NEK1: variants seen among roughly 807,000 people sequenced by gnomAD.
NEK1 encodes NIMA related kinase 1.
Under a neutral mutation model 182.1 loss-of-function variants are expected in NEK1, and 137 were observed. The ratio of observed to expected loss-of-function variants is 0.75; its 90% CI spans 0.65 to 0.87. The LOEUF (loss-of-function observed/expected upper bound fraction) is 0.87, where lower values mean the gene tolerates loss of function less well. Ranked by LOEUF, NEK1 falls within the 40% of genes least tolerant of loss-of-function variation. The probability of loss-of-function intolerance (pLI) is 0.00; values close to 1 mark genes in which losing one functional copy is unlikely to be tolerated. For synonymous variants in NEK1, 513 were observed against 492.2 expected (o/e 1.04, Z -0.56); for missense variants, 1,391 against 1,494.4 (o/e 0.93, Z 1.14).
chr4:169,491,493 A>G (rs1750082904), intron 23 of NEK1, among the ~76,000 whole-genome samples: 1 of 152,188 alleles, frequency 6.6e-6, no homozygotes. Flanking sequence ...CCTGCCAGCC[A>G]ACAATACTAT....
intron 19 of NEK1, among the ~76,000 whole-genome samples, chr4:169,535,697 G>C (rs1288787104): frequency 6.6e-6 from 1 of 151,834 alleles, no homozygotes; most frequent in East Asian, 1.9e-4. Flanking sequence ...TGGCCAACAA[G>C]GTGAAGCCCT....
chr4:169,596,982 C>T (rs181297678), intron 5 of NEK1, among the ~76,000 whole-genome samples: 1 of 152,224 alleles, frequency 6.6e-6, no homozygotes, highest in East Asian at 1.9e-4. Context: ...GATACACACA[C>T]ACATACACAC....
At chr4:169,487,600 C>T (rs111760762) in intron 23 of NEK1, among the ~76,000 whole-genome samples, 22 of 152,244 alleles carry the variant, frequency 1.4e-4, no homozygotes, top group African/African-American at 5.3e-4. Flanking sequence ...TCTTTGCTAT[C>T]GTGAATAGTG....
chr4:169,502,017 A>G (rs2149671862), intron 23 of NEK1, among the ~76,000 whole-genome samples: 1 of 152,214 alleles, frequency 6.6e-6, no homozygotes, highest in Non-Finnish European at 1.5e-5. Context: ...CACATGAAAA[A>G]AAGAGAAGAT....
rs553119816 is a variant in NEK1, at chr4:169,586,144, AAAC to A, written c.607-598_607-596del. Among the ~76,000 whole-genome samples the A allele has an allele frequency of 7.3e-3, 1,105 of 152,206 alleles. 7 individuals are homozygous for A. Among genetic ancestry groups the A allele is most frequent in the African/African-American group, 0.025 (1,030 of 41,550 alleles). On this transcript the variant is annotated intron_variant, in intron 9 of 35. Coordinates refer to ENST00000507142, the MANE Select transcript of NEK1 (RefSeq NM_001199397.3). ...CAATATAAACTTTAAAGTAAAAAGA[AAAC>A]AAGAGGTAGGGCAGTTTAAAATCTG...
At chr4:169,582,545 AT>A (rs538932616) in intron 10 of NEK1, among the ~76,000 whole-genome samples, 192 of 152,098 alleles carry the variant, frequency 1.3e-3, no homozygotes, top group Non-Finnish European at 2.2e-3. Context: ...CAACAAATGC[AT>A]TTTTTTCCTT....
At chr4:169,571,179 AAAAT>A (rs56050357) in intron 12 of NEK1, among the ~76,000 whole-genome samples, 6,549 of 143,274 alleles carry the variant, frequency 0.046, 279 homozygotes, top group African/African-American at 0.11. Context: ...GATCAATAAA[AAAAT>A]AAATAAATAA....
intron 2 of NEK1, among the ~76,000 whole-genome samples, chr4:169,609,360 C>G (rs1771930152): frequency 6.6e-6 from 1 of 152,160 alleles, no homozygotes; most frequent in South Asian, 2.1e-4. Flanking sequence ...ATTTACCCTA[C>G]AAATATTTCC....
At chr4:169,420,269 C>G (rs545490974) in intron 31 of NEK1, among the ~76,000 whole-genome samples, 1 of 152,176 alleles carries the variant, frequency 6.6e-6, no homozygotes, top group Non-Finnish European at 1.5e-5. Context: ...ATACACTATA[C>G]ACTGAAATAC....
intron 23 of NEK1, among the ~76,000 whole-genome samples, chr4:169,492,442 G>A (rs78098829): frequency 0.012 from 1,822 of 152,272 alleles, 32 homozygotes; most frequent in African/African-American, 0.041. Flanking sequence ...AACTGTAGGT[G>A]GGAGTGTGTC....
intron 27 of NEK1, among the ~76,000 whole-genome samples, chr4:169,439,334 C>T (rs1738997809): frequency 6.6e-6 from 1 of 152,158 alleles, no homozygotes. Flanking sequence ...CAGGAACTGT[C>T]CTTAGCTCAG....
At chr4:169,486,796 CA>C (rs1749117247) in intron 23 of NEK1, among the ~76,000 whole-genome samples, 1 of 152,120 alleles carries the variant, frequency 6.6e-6, no homozygotes, top group Non-Finnish European at 1.5e-5. Flanking sequence ...AAAAATAAGA[CA>C]AAGATGGAAA....
At chr4:169,576,553 T>C (rs1426794916) in intron 12 of NEK1, 1 of 164,678 alleles carries the variant, frequency 6.1e-6, no homozygotes, top group African/African-American at 2.4e-5. Context: ...CTTCCAGCTC[T>C]ATGATTCTGT....
At chr4:169,611,491 A>G (rs546716476) in intron 2 of NEK1, among the ~76,000 whole-genome samples, 2 of 152,334 alleles carry the variant, frequency 1.3e-5, no homozygotes, top group South Asian at 4.1e-4. Context: ...TTAATCCTTC[A>G]TAAACATTTC....
intron 11 of NEK1, among the ~76,000 whole-genome samples, chr4:169,578,962 A>G (rs1421482123): frequency 6.6e-6 from 1 of 152,218 alleles, no homozygotes; most frequent in Non-Finnish European, 1.5e-5. Context: ...ATATACACAC[A>G]CAGTCACAAT....
intron 12 of NEK1, among the ~76,000 whole-genome samples, chr4:169,562,949 T>C (rs1051453986): frequency 1.3e-5 from 2 of 152,212 alleles, no homozygotes; most frequent in Non-Finnish European, 2.9e-5. Context: ...TCAAGGTTCA[T>C]TCATGTTATT....
intron 5 of NEK1, among the ~76,000 whole-genome samples, chr4:169,598,094 G>C (rs1357724953): frequency 6.6e-6 from 1 of 152,208 alleles, no homozygotes; most frequent in African/African-American, 2.4e-5. Context: ...CAAAAGGGTG[G>C]AGAAAGAAGA....
At chr4:169,440,938 A>C (rs73864619) in intron 27 of NEK1, among the ~76,000 whole-genome samples, 1,999 of 152,286 alleles carry the variant, frequency 0.013, 38 homozygotes, top group African/African-American at 0.045. Flanking sequence ...CCTACCAGAT[A>C]ACAACCTGCC....
chr4:169,500,275 C>T (rs1752184461), intron 23 of NEK1, among the ~76,000 whole-genome samples: 1 of 152,034 alleles, frequency 6.6e-6, no homozygotes, highest in Non-Finnish European at 1.5e-5. Flanking sequence ...TGGGAGTGAC[C>T]CGATTTTCCA....
Sources: gnomAD v4.1 joint callset for allele counts (sites outside exome capture counted in the v4.1 genomes callset) on GRCh38, gnomAD v4.1.1 for gene constraint, MANE v1.5 for transcripts, NCBI Gene and HGNC (gene_info 2026-07-23, HGNC 2026-07-21) for gene names.